ZEB1: variants seen among roughly 807,000 people sequenced by gnomAD.
The protein encoded by ZEB1 is zinc finger E-box-binding homeobox 1.
A neutral mutation model predicts 84.9 loss-of-function variants in ZEB1; 21 were observed. The observed-to-expected ratio is 0.25, with a 90% CI of 0.18 to 0.36. The LOEUF (loss-of-function observed/expected upper bound fraction) is 0.36, where lower values mean the gene tolerates loss of function less well. Ranked by LOEUF, ZEB1 falls within the 10% of genes least tolerant of loss-of-function variation. The pLI, the probability that ZEB1 is intolerant of heterozygous loss-of-function variation, is 1.00. For synonymous variants in ZEB1, 420 were observed against 471.1 expected (o/e 0.89, Z 1.41); for missense variants, 1,104 against 1,330.2 (o/e 0.83, Z 2.65).
chr10:31,476,270 A>C (rs2064170274), intron 2 of ZEB1, among the ~76,000 whole-genome samples: 1 of 152,100 alleles, frequency 6.6e-6, no homozygotes, highest in African/African-American at 2.4e-5. Context: ...AGAAATGATA[A>C]AGGTGACAGT....
At chr10:31,324,115 A>G (rs1037287464) in intron 1 of ZEB1, among the ~76,000 whole-genome samples, 4 of 151,984 alleles carry the variant, frequency 2.6e-5, no homozygotes, top group African/African-American at 9.7e-5. Context: ...CTTTGCCACA[A>G]AGTCACGAGA....
intron 1 of ZEB1, among the ~76,000 whole-genome samples, chr10:31,333,757 C>T (rs542540056): frequency 8.0e-4 from 121 of 152,098 alleles, no homozygotes; most frequent in Non-Finnish European, 1.5e-3. Flanking sequence ...CTCCACTTAA[C>T]AGAAACTGGT....
chr10:31,433,204 A>G (rs981224115), intron 1 of ZEB1, among the ~76,000 whole-genome samples: 2 of 152,206 alleles, frequency 1.3e-5, no homozygotes, highest in African/African-American at 4.8e-5. Flanking sequence ...TTTGGAAGAT[A>G]TTGGTTCACT....
intron 5 of ZEB1, among the ~76,000 whole-genome samples, chr10:31,512,669 T>G (rs1276029874): frequency 6.6e-6 from 1 of 152,060 alleles, no homozygotes; most frequent in African/African-American, 2.4e-5. Flanking sequence ...AAAAAGGAAG[T>G]CCCTGATATT....
intron 1 of ZEB1, among the ~76,000 whole-genome samples, chr10:31,349,053 C>G (rs2040840810): frequency 6.6e-6 from 1 of 151,914 alleles, no homozygotes. Flanking sequence ...AATTTTGTAT[C>G]CTTTGACCAA....
chr10:31,363,259 G>C (rs1337263740), intron 1 of ZEB1: 1 of 1,533,786 alleles, frequency 6.5e-7, no homozygotes, highest in African/African-American at 1.4e-5. Flanking sequence ...CGGAACTGGG[G>C]CAGGGAGCAC....
In ZEB1 at chr10:31,357,605, T is replaced by C. The variant is rs545615651; in HGVS notation, c.58+38313T>C. 9.6e-4 allele frequency among the ~76,000 whole-genome samples: 146 copies of C among 152,236 alleles called. 2 individuals carry two copies. The highest frequency in any genetic ancestry group is 3.4e-3 in the African/African-American group (140 of 41,544). On this transcript the variant is annotated intron_variant, in intron 1 of 8. Coordinates refer to ENST00000424869, the MANE Select transcript of ZEB1 (RefSeq NM_001174096.2). The stretch of plus-strand genomic sequence containing the variant: ...ATCACTGTAGGAAATCAGGAAAATA[T>C]ACAAAAAGTAGCATATGGTTTTTTT...
At chr10:31,472,110 G>T (rs1392812677) in intron 2 of ZEB1, among the ~76,000 whole-genome samples, 2 of 150,856 alleles carry the variant, frequency 1.3e-5, no homozygotes, top group African/African-American at 2.5e-5. Flanking sequence ...GAGAAAGCAG[G>T]AAAGACCCAA....
intron 1 of ZEB1, among the ~76,000 whole-genome samples, chr10:31,446,286 G>A (rs187643379): frequency 0.012 from 1,814 of 151,970 alleles, 19 homozygotes; most frequent in Non-Finnish European, 0.015. Context: ...TTTTTATTGC[G>A]TCTATTTGAT....
At chr10:31,467,979 C>T (rs1319270358) in intron 2 of ZEB1, among the ~76,000 whole-genome samples, 2 of 152,126 alleles carry the variant, frequency 1.3e-5, no homozygotes, top group African/African-American at 4.8e-5. Context: ...ACCCACCAGT[C>T]AGGGGTGTAG....
chr10:31,485,963 A>G (rs988309325), intron 2 of ZEB1, among the ~76,000 whole-genome samples: 2 of 151,912 alleles, frequency 1.3e-5, no homozygotes, highest in East Asian at 3.9e-4. Flanking sequence ...TGTTATAAAA[A>G]TGAAATCATA....
chr10:31,351,615 A>G (rs928737566), intron 1 of ZEB1, among the ~76,000 whole-genome samples: 1 of 152,106 alleles, frequency 6.6e-6, no homozygotes. Context: ...GGTCAGGGCA[A>G]TTGTCTTTCT....
chr10:31,385,512 T>C (rs1282254488), intron 1 of ZEB1, among the ~76,000 whole-genome samples: 3 of 151,798 alleles, frequency 2.0e-5, no homozygotes, highest in Admixed American at 6.6e-5. Context: ...CTTTTTTCTT[T>C]TCTTTTTTTC....
intron 4 of ZEB1, 24 bp downstream of exon 4, chr10:31,502,533 T>C (rs1279404763): frequency 5.6e-6 from 9 of 1,613,518 alleles, no homozygotes; most frequent in Non-Finnish European, 5.9e-6. Context: ...AACAGTTGTG[T>C]TTCTTTCCCT....
chr10:31,457,059 T>G (rs2061322841), intron 1 of ZEB1, among the ~76,000 whole-genome samples: 1 of 152,038 alleles, frequency 6.6e-6, no homozygotes, highest in Non-Finnish European at 1.5e-5. Context: ...TTAAAGATTT[T>G]TAAAACTGTT....
At chr10:31,411,693 A>G (rs2054318114) in intron 1 of ZEB1, among the ~76,000 whole-genome samples, 1 of 150,032 alleles carries the variant, frequency 6.7e-6, no homozygotes, top group Non-Finnish European at 1.5e-5. Flanking sequence ...ACTAAATGCT[A>G]TAAATTTCTC....
intron 1 of ZEB1, among the ~76,000 whole-genome samples, chr10:31,329,199 C>G (rs978193655): frequency 6.6e-6 from 1 of 152,100 alleles, no homozygotes; most frequent in Admixed American, 6.5e-5. Flanking sequence ...TCTTCCCCAC[C>G]TATTGCCCCC....
At chr10:31,355,953 A>G (rs954453925) in intron 1 of ZEB1, among the ~76,000 whole-genome samples, 6 of 152,118 alleles carry the variant, frequency 3.9e-5, no homozygotes, top group South Asian at 2.1e-4. Context: ...GTTAGATGCT[A>G]TTTCGGTAGG....
Position 31,423,034 on chromosome 10 carries a change from G to A in ZEB1, c.59-38003G>A, listed in dbSNP as rs140523320. Among the ~76,000 whole-genome samples the A allele has an allele frequency of 4.4e-3, 675 of 151,902 alleles. 19 individuals carry two copies. The East Asian group carries it at 0.051, about 11-fold the overall frequency. Reference sequence around the variant, plus strand: ...TTTAATGGCTGCGTAGCATTTCATGGTGTGTGTGTATATATATATACATGT... The same window carrying A: ...TTTAATGGCTGCGTAGCATTTCATGATGTGTGTGTATATATATATACATGT... On this transcript the variant is annotated intron_variant, in intron 1 of 8. Coordinates refer to ENST00000424869, the MANE Select transcript of ZEB1 (RefSeq NM_001174096.2).
Sources: gnomAD v4.1 joint callset for allele counts (sites outside exome capture counted in the v4.1 genomes callset) on GRCh38, gnomAD v4.1.1 for gene constraint, MANE v1.5 for transcripts, NCBI Gene and HGNC (gene_info 2026-07-23, HGNC 2026-07-21) for gene names.